ASAH1: variants seen among roughly 807,000 people sequenced by gnomAD.
ASAH1 encodes N-acylsphingosine amidohydrolase 1, also known as acid ceramidase.
A neutral mutation model predicts 59.5 loss-of-function variants in ASAH1; 70 were observed. That is an observed-to-expected ratio of 1.18 (90% CI 0.97 to 1.43). The LOEUF is 1.43. Ranked by LOEUF, ASAH1 falls within the 40% of genes most tolerant of loss-of-function variation. ASAH1 has a pLI of 0.00. For synonymous variants in ASAH1, 213 were observed against 166.5 expected, an observed-to-expected ratio of 1.28 and a Z score of -2.15; for missense variants, 660 against 482.5, an observed-to-expected ratio of 1.37 and a Z score of -3.45.
intron 1 of ASAH1, among the ~76,000 whole-genome samples, chr8:18,080,556 A>AT (rs1047394618): frequency 6.6e-6 from 1 of 151,552 alleles, no homozygotes; most frequent in African/African-American, 2.4e-5. Flanking sequence ...TTACTCTCCT[A>AT]TTTTTTTGTT....
intron 1 of ASAH1, among the ~76,000 whole-genome samples, chr8:18,078,129 C>T (rs1343117298): frequency 1.3e-5 from 2 of 152,166 alleles, no homozygotes; most frequent in East Asian, 1.9e-4. Flanking sequence ...CTGGTGATCA[C>T]TAGAATCAAC....
chr8:18,069,097 T>G (rs927193172), intron 4 of ASAH1, among the ~76,000 whole-genome samples: 1 of 141,222 alleles, frequency 7.1e-6, no homozygotes, highest in Non-Finnish European at 1.5e-5. Flanking sequence ...GCTATGATCA[T>G]GCCAGTGCAC....
At chr8:18,084,799 C>A (rs1459283209), upstream of ASAH1, 12 of 1,613,244 alleles carry the variant, frequency 7.4e-6, no homozygotes, top group Admixed American at 2.0e-4. Flanking sequence ...TGCAGCAGTT[C>A]ATTAAGCGGC....
At position 18,059,633 on chromosome 8, in the gene ASAH1, T is replaced by C. The variant is rs1799610079; in HGVS notation, c.856A>G (p.Asn286Asp). 2.5e-6 allele frequency: 4 copies of C among 1,614,136 alleles called. No homozygotes were observed. The South Asian group carries it at 4.4e-5, about 18-fold the overall frequency. ...ATCACACAACCTTCCCCAGACTGGT[T>C]GCCTCCCAGGATAAAGTAGGCTGGG... ...LAPAYFILGGNQSGEGCVITR... is the reference protein window; with the variant it reads ...LAPAYFILGGDQSGEGCVITR... Residue 286 changes from asparagine to aspartate, a missense_variant, in exon 11 of 14, where the codon AAC (asparagine) becomes GAC (aspartate). By Grantham distance (23) the Asn-to-Asp change is conservative. Transcript: ENST00000637790.
intron 10 of ASAH1, 81 bp downstream of exon 10, chr8:18,061,296 T>C: frequency 8.1e-7 from 1 of 1,241,406 alleles, no homozygotes; most frequent in Non-Finnish European, 1.1e-6. Flanking sequence ...AGGATTAAGC[T>C]GGAGCTTGAC....
At chr8:18,067,115 T>TATCTAAGACATACAGCACCTGTGCTGTAA (rs1799960350) in intron 5 of ASAH1, 105 bp downstream of exon 5, 18 of 521,840 alleles carry the variant, frequency 3.4e-5, no homozygotes, top group Non-Finnish European at 4.2e-5. Flanking sequence ...CTGTGCTGTA[T>TATCTAAGACATACAGCACCTGTGCTGTAA]ATCTAAGACA....
At chr8:18,083,129 A>G (rs1205893283) in intron 1 of ASAH1, 2 of 152,300 alleles carry the variant, frequency 1.3e-5, no homozygotes, top group South Asian at 4.1e-4. Flanking sequence ...TACCTAAACT[A>G]TTCAAGACCA....
At chr8:18,084,913 G>T, upstream of ASAH1, 2 of 1,466,500 alleles carry the variant, frequency 1.4e-6, no homozygotes, top group Non-Finnish European at 1.8e-6. Flanking sequence ...CTTGGCTTTC[G>T]TGCCATCCGT....
At chr8:18,076,132 C>A (rs1035883504) in intron 1 of ASAH1, 2 of 162,194 alleles carry the variant, frequency 1.2e-5, no homozygotes, top group Non-Finnish European at 2.7e-5. Flanking sequence ...CCCTTCCATG[C>A]CTGTGTCTGT....
At position 18,061,712 on chromosome 8, in the gene ASAH1, C is replaced by G. The variant is rs377749094; in HGVS notation, c.677G>C (p.Arg226Pro). The change falls in exon 9 of 14, where the codon CGT becomes CCT. Residue 226 changes from arginine (R) to proline (P), a missense_variant. Coordinates refer to ENST00000637790, the MANE Select transcript of ASAH1 (RefSeq NM_177924.5). Reference protein sequence around the residue: ...PGLFSLTLNERFSINGGYLGI... With the variant: ...PGLFSLTLNEPFSINGGYLGI... ...CAGATAACCACCATTTATACTGAAA[C>G]GTTCATTCAGTGTAAGACTGAACAG... 3.2e-6 allele frequency: 5 copies of G among 1,584,222 alleles called. No individual in the cohort carries two copies. Among genetic ancestry groups the G allele is most frequent in the East Asian group, 4.6e-5 (2 of 43,480 alleles).
chr8:18,067,299 C>G lies in ASAH1; in HGVS notation c.304-1G>C, dbSNP rs1799972407. The G allele has an allele frequency of 6.3e-7, 1 of 1,581,638 alleles. No homozygotes were observed. Among genetic ancestry groups the G allele is most frequent in the Non-Finnish European group, 8.6e-7 (1 of 1,163,042 alleles). On this transcript the variant is annotated splice_acceptor_variant, in intron 4 of 13. Transcript: ENST00000637790. LOFTEE classifies it high-confidence loss of function. ...CAGGAAAGTTGCCAAGTAGGCCAGG[C>G]TGGAAAACAAATATATTAATAAAAG...
intron 2 of ASAH1, chr8:18,073,298 A>G: frequency 6.4e-6 from 10 of 1,560,500 alleles, no homozygotes; most frequent in Non-Finnish European, 8.8e-6. Flanking sequence ...ATGCAAAAAT[A>G]AAAAAAACAC....
Position 18,058,961 on chromosome 8 carries a change from G to T in ASAH1, c.1042-70C>A, listed in dbSNP as rs1199572494. The T allele has an allele frequency of 1.1e-5, 15 of 1,357,134 alleles. No individual in the cohort carries two copies. In the Admixed American group the frequency reaches 2.0e-4, roughly 18 times the overall value. The allele number at this position is 1,357,134 out of a possible 1,614,324, so 84.1% of individuals were successfully genotyped here. ...AGCCAACAGCCTTATCTACACACATGGGCCACCAGAAACCAAGACATTCTT... is the reference window on the plus strand; with the variant it reads ...AGCCAACAGCCTTATCTACACACATTGGCCACCAGAAACCAAGACATTCTT... On this transcript the variant is annotated intron_variant, in intron 12 of 13. Coordinates refer to ENST00000637790, the MANE Select transcript of ASAH1 (RefSeq NM_177924.5).
At chr8:18,067,100 T>TGCACCTGTGCTTTATATCTAAGACATACA in intron 5 of ASAH1, 120 bp downstream of exon 5, 4 of 548,482 alleles carry the variant, frequency 7.3e-6, no homozygotes, top group South Asian at 3.8e-5. Context: ...CTAAGACCTG[T>TGCACCTGTGCTTTATATCTAAGACATACA]GCACCTGTGC....
chr8:18,060,009 T>C (rs1021545277), intron 10 of ASAH1: 18 of 327,466 alleles, frequency 5.5e-5, no homozygotes, highest in Non-Finnish European at 1.1e-4. Flanking sequence ...CAGCTCTCAC[T>C]TATGAGTGAG....
At chr8:18,075,765 C>T (rs1800378815) in intron 1 of ASAH1, 178 bp from the exon 2 acceptor site, 1 of 620,470 alleles carries the variant, frequency 1.6e-6, no homozygotes, top group South Asian at 2.0e-5. Context: ...AATCCTAAAC[C>T]ATTAAGTGGA....
intron 3 of ASAH1, 49 bp downstream of exon 3, chr8:18,071,251 A>AAC: frequency 4.0e-6 from 4 of 989,760 alleles, no homozygotes; most frequent in Non-Finnish European, 5.4e-6. Context: ...AAAGAAATAA[A>AAC]ATAAAAAATA....
intron 5 of ASAH1, chr8:18,065,900 GTGTGTGTGTGTATA>G (rs1296577328): frequency 2.6e-5 from 4 of 151,096 alleles, no homozygotes; most frequent in African/African-American, 2.4e-5. Context: ...GTGTGTGTGT[GTGTGTGTGTGTATA>G]TATATATGTA....
chr8:18,081,768 G>A (rs771590172), intron 1 of ASAH1, among the ~76,000 whole-genome samples: 4 of 152,140 alleles, frequency 2.6e-5, no homozygotes, highest in Admixed American at 6.5e-5. Flanking sequence ...AATATCTTTT[G>A]TTACCATGAG....
Sources: allele counts gnomAD v4.1 joint callset (sites outside exome capture counted in the v4.1 genomes callset), GRCh38; gene constraint gnomAD v4.1.1; transcripts MANE v1.5; gene names NCBI Gene and HGNC (gene_info 2026-07-23, HGNC 2026-07-21).